EPC2: variants seen among roughly 807,000 people sequenced by gnomAD.
The protein encoded by EPC2 is enhancer of polycomb 2.
Under a neutral mutation model 92.1 loss-of-function variants are expected in EPC2, and 14 were observed. That is an observed-to-expected ratio of 0.15 (90% CI 0.10 to 0.24). The LOEUF (loss-of-function observed/expected upper bound fraction) is 0.24. Ranked by LOEUF, EPC2 falls within the 10% of genes least tolerant of loss-of-function variation. The pLI is 1.00. For synonymous variants in EPC2, 340 were observed against 334.7 expected (o/e 1.02, Z -0.17); for missense variants, 755 against 971.5 (o/e 0.78, Z 2.96).
At chr2:148,772,207 A>G (rs965800755) in intron 10 of EPC2, among the ~76,000 whole-genome samples, 2 of 152,184 alleles carry the variant, frequency 1.3e-5, no homozygotes, top group African/African-American at 2.4e-5. Context: ...TGACATGTAC[A>G]TTGTAAATAA....
At chr2:148,659,728 A>T (rs939041613) in intron 1 of EPC2, among the ~76,000 whole-genome samples, 5 of 152,014 alleles carry the variant, frequency 3.3e-5, no homozygotes, top group African/African-American at 9.7e-5. Flanking sequence ...CACAAAAATT[A>T]AAAAAAATCT....
chr2:148,700,978 C>T (rs1163308197), intron 2 of EPC2, among the ~76,000 whole-genome samples: 1 of 152,082 alleles, frequency 6.6e-6, no homozygotes, highest in African/African-American at 2.4e-5. Flanking sequence ...TATAGATCCT[C>T]TGCATGTTTT....
intron 2 of EPC2, chr2:148,691,530 T>C (rs1681643724): frequency 2.6e-6 from 4 of 1,550,272 alleles, no homozygotes; most frequent in Non-Finnish European, 3.5e-6. Flanking sequence ...TGCACTGTTT[T>C]CATCTTTGCA....
At chr2:148,674,091 C>T (rs747409150) in intron 1 of EPC2, among the ~76,000 whole-genome samples, 65 of 152,292 alleles carry the variant, frequency 4.3e-4, no homozygotes, top group Non-Finnish European at 5.7e-4. Flanking sequence ...ACAGGCATCT[C>T]TCCCAGTCTT....
rs1395246437 is a variant in EPC2 at position 148,693,856 on chromosome 2, G to A, written c.313+3483G>A. 4.6e-5 allele frequency among the ~76,000 whole-genome samples: 7 copies of A among 152,136 alleles called. No individual in the cohort carries two copies. In the East Asian group the frequency reaches 1.2e-3, roughly 25 times the overall value. On this transcript the variant is annotated intron_variant, in intron 2 of 13. Transcript: ENST00000258484. ...AGGAGCCTTTTTCTGACGTCTCTCA[G>A]CATTGTTCTTGGTACTGTTTGCCCC...
In EPC2 at chr2:148,644,764, A is replaced by C; in HGVS notation, c.-254A>C. 5.2e-6 allele frequency: 2 copies of C among 386,492 alleles called. No individual in the cohort carries two copies. Among genetic ancestry groups the C allele is most frequent in the Non-Finnish European group, 9.3e-6 (2 of 214,820 alleles). The allele number at this position is 386,492 out of a possible 1,614,324, so 23.9% of individuals were successfully genotyped here. On this transcript the variant is annotated 5_prime_UTR_variant, in exon 1 of 14. The change abolishes an upstream ATG in the 5' untranslated region. Transcript: ENST00000258484. ...CGCCGCCGCTGTGGTAATGTCCGCC[A>C]TGTTGGCCATGGCGCAGGGAGCGGA...
At chr2:148,715,068 C>T (rs2105386846) in intron 2 of EPC2, among the ~76,000 whole-genome samples, 1 of 115,156 alleles carries the variant, frequency 8.7e-6, no homozygotes, top group African/African-American at 3.5e-5. Context: ...GAGTCTTGCT[C>T]TGTTGCCTAG....
chr2:148,717,740 G>C (rs193162657), intron 2 of EPC2, among the ~76,000 whole-genome samples: 12 of 152,316 alleles, frequency 7.9e-5, no homozygotes, highest in African/African-American at 2.9e-4. Context: ...TGGGTGGAGA[G>C]TTCTATAGGT....
chr2:148,684,315 C>T lies in EPC2; in HGVS notation c.154-5899C>T, dbSNP rs578257528. ...TCCCACTCTGTGGGTTGTCTCTTTG[C>T]CCTGCTGATTATTTCTTTTGCTGTG... is the stretch of plus-strand genomic sequence containing the variant. On this transcript the variant is annotated intron_variant, in intron 1 of 13. Transcript: ENST00000258484. Among the ~76,000 whole-genome samples, 185 of 152,254 alleles carry T rather than the reference C, an allele frequency of 1.2e-3. 1 individual carries two copies. The highest frequency in any genetic ancestry group is 4.2e-3 in the African/African-American group (176 of 41,540).
intron 4 of EPC2, among the ~76,000 whole-genome samples, chr2:148,755,315 T>G (rs2105417654): frequency 6.6e-6 from 1 of 152,218 alleles, no homozygotes; most frequent in East Asian, 1.9e-4. Context: ...AGTTCATAAA[T>G]ATATTAAGAC....
At chr2:148,658,553 CGAATTTGCAAATAGG>C (rs2105353567) in intron 1 of EPC2, among the ~76,000 whole-genome samples, 1 of 150,406 alleles carries the variant, frequency 6.6e-6, no homozygotes, top group East Asian at 2.0e-4. Context: ...AGCAAGTAGG[CGAATTTGCAAATAGG>C]GAATTTGCAA....
intron 2 of EPC2, among the ~76,000 whole-genome samples, chr2:148,700,686 T>C (rs1384996064): frequency 1.4e-5 from 2 of 145,726 alleles, no homozygotes; most frequent in Non-Finnish European, 3.0e-5. Flanking sequence ...CTCTGCCCTT[T>C]TTACTTTTTT....
chr2:148,770,838 C>T lies in EPC2; in HGVS notation c.1277C>T (p.Ala426Val). The change falls in exon 9 of 14, where the codon GCA becomes GTA. Residue 426 changes from alanine (A) to valine (V), a missense_variant. Around this residue, in one of 4 missense-constraint regions of EPC2, gnomAD observed 509 missense variants for 607.7 expected, o/e 0.84. Coordinates refer to ENST00000258484, the MANE Select transcript of EPC2 (RefSeq NM_015630.4). ...ANHSCENSEL[A>V]DLDKLRYRHC... The stretch of plus-strand genomic sequence containing the variant: ...CATTCATGTGAAAATTCAGAATTGG[C>T]AGATTTGGATAAGTTGAGGTATAGG... 1 of 1,613,566 alleles carries T rather than the reference C, an allele frequency of 6.2e-7. No homozygotes were observed. The highest frequency in any genetic ancestry group is 8.5e-7 in the Non-Finnish European group (1 of 1,179,758).
chr2:148,751,233 TATA>T (rs1373659056), intron 3 of EPC2, among the ~76,000 whole-genome samples: 6 of 152,252 alleles, frequency 3.9e-5, no homozygotes, highest in African/African-American at 1.4e-4. Context: ...AATTTTTACA[TATA>T]ATATATTCGT....
intron 2 of EPC2, among the ~76,000 whole-genome samples, chr2:148,737,680 G>A (rs776000315): frequency 5.3e-5 from 8 of 152,124 alleles, no homozygotes; most frequent in Non-Finnish European, 1.2e-4. Context: ...CTGAATGAGG[G>A]AAAGAGTAAC....
At chr2:148,650,992 G>C (rs987106318) in intron 1 of EPC2, among the ~76,000 whole-genome samples, 1 of 152,172 alleles carries the variant, frequency 6.6e-6, no homozygotes, top group East Asian at 1.9e-4. Context: ...CCAAAAACAT[G>C]TATCTGGAAA....
chr2:148,710,800 A>T (rs536534739), intron 2 of EPC2, among the ~76,000 whole-genome samples: 1 of 152,336 alleles, frequency 6.6e-6, no homozygotes, highest in Non-Finnish European at 1.5e-5. Context: ...GAACAATGGG[A>T]ACACTTGGAC....
intron 1 of EPC2, among the ~76,000 whole-genome samples, chr2:148,664,924 G>A (rs913728330): frequency 6.6e-6 from 1 of 151,852 alleles, no homozygotes; most frequent in Admixed American, 6.6e-5. Context: ...CTTTGTTTGG[G>A]GTAAATACAT....
At chr2:148,784,342 T>A (rs749476037) in intron 12 of EPC2, among the ~76,000 whole-genome samples, 1 of 152,228 alleles carries the variant, frequency 6.6e-6, no homozygotes, top group Non-Finnish European at 1.5e-5. Context: ...TTTACTAATA[T>A]TCATGCATGT....
Sources: gnomAD v4.1 joint callset for allele counts (sites outside exome capture counted in the v4.1 genomes callset) on GRCh38, gnomAD v4.1.1 for gene constraint, gnomAD v4.1.1 regional missense constraint, MANE v1.5 for transcripts, NCBI Gene and HGNC (gene_info 2026-07-23, HGNC 2026-07-21) for gene names.